METTL16: variants seen among roughly 807,000 people sequenced by gnomAD.
METTL16 encodes RNA N(6)-adenosine-methyltransferase METTL16.
A neutral mutation model predicts 57.9 loss-of-function variants in METTL16; 19 were observed. That is an observed-to-expected ratio of 0.33 (90% CI 0.23 to 0.48). The LOEUF is 0.48. Among genes scored for constraint, METTL16 ranks in the 20% least tolerant of loss-of-function variants. The pLI is 0.99. For synonymous variants in METTL16, 246 were observed against 255.6 expected, an observed-to-expected ratio of 0.96 and a Z score of 0.36; for missense variants, 434 against 691.5, an observed-to-expected ratio of 0.63 and a Z score of 4.18.
At chr17:2,448,606 C>CGGAA (rs2067035503) in intron 6 of METTL16, among the ~76,000 whole-genome samples, 1 of 86,994 alleles carries the variant, frequency 1.1e-5, no homozygotes, top group Admixed American at 1.4e-4. Flanking sequence ...ACAAACACTG[C>CGGAA]GGAAGGCCGC....
chr17:2,430,106 C>T (rs1312750228), intron 8 of METTL16, among the ~76,000 whole-genome samples: 1 of 151,234 alleles, frequency 6.6e-6, no homozygotes, highest in Non-Finnish European at 1.5e-5. Context: ...GAGCCACCTG[C>T]CCACTTCCCA....
intron 6 of METTL16, among the ~76,000 whole-genome samples, chr17:2,450,858 G>A (rs1186829882): frequency 6.6e-6 from 1 of 151,942 alleles, no homozygotes; most frequent in East Asian, 1.9e-4. Flanking sequence ...GAATTTTCAA[G>A]AATTTAATTT....
intron 2 of METTL16, among the ~76,000 whole-genome samples, chr17:2,489,610 G>A (rs1282837422): frequency 6.7e-6 from 1 of 150,130 alleles, no homozygotes; most frequent in Non-Finnish European, 1.5e-5. Flanking sequence ...GTGGTGGCAC[G>A]TGCCTGTAAC....
At chr17:2,491,774 C>T (rs1597468351) in intron 2 of METTL16, among the ~76,000 whole-genome samples, 1 of 146,830 alleles carries the variant, frequency 6.8e-6, no homozygotes. Flanking sequence ...ACTCCGGAGG[C>T]TGAGGCAGGA....
chr17:2,506,818 C>T (rs942742238), intron 1 of METTL16, among the ~76,000 whole-genome samples: 5 of 151,658 alleles, frequency 3.3e-5, no homozygotes, highest in Admixed American at 2.0e-4. Context: ...TCTGCCCGGC[C>T]GCCATCCCAT....
chr17:2,428,392 G>A (rs180963713), intron 8 of METTL16, among the ~76,000 whole-genome samples: 33 of 151,302 alleles, frequency 2.2e-4, no homozygotes, highest in Middle Eastern at 3.4e-3. Context: ...GGCCAAAGGC[G>A]GTTAACTGTG....
intron 7 of METTL16, among the ~76,000 whole-genome samples, chr17:2,438,731 C>T (rs959644620): frequency 7.9e-5 from 12 of 152,146 alleles, no homozygotes; most frequent in Admixed American, 5.2e-4. Flanking sequence ...TGACCTCAGG[C>T]GATCCGCCCA....
intron 2 of METTL16, 113 bp from the exon 3 acceptor site, chr17:2,477,998 C>T: frequency 1.3e-6 from 1 of 748,970 alleles, no homozygotes. Flanking sequence ...AGGGAGATCA[C>T]ACACAGTTAC....
intron 6 of METTL16, among the ~76,000 whole-genome samples, chr17:2,450,858 GAATTT>G (rs1445795308): frequency 1.3e-5 from 2 of 151,942 alleles, no homozygotes; most frequent in South Asian, 2.1e-4. Context: ...GAATTTTCAA[GAATTT>G]AATTTCAAGA....
chr17:2,480,922 G>A (rs538263342), intron 2 of METTL16, among the ~76,000 whole-genome samples: 1 of 152,264 alleles, frequency 6.6e-6, no homozygotes, highest in African/African-American at 2.4e-5. Flanking sequence ...AGGATATTGG[G>A]CTGGGCACGG....
chr17:2,441,171 G>C (rs1209116546), intron 7 of METTL16, among the ~76,000 whole-genome samples: 1 of 152,054 alleles, frequency 6.6e-6, no homozygotes, highest in Non-Finnish European at 1.5e-5. Context: ...AGAACTGGAG[G>C]CCATTATCTT....
At chr17:2,447,304 C>T (rs1179768582) in intron 6 of METTL16, among the ~76,000 whole-genome samples, 6 of 144,460 alleles carry the variant, frequency 4.2e-5, no homozygotes, top group Non-Finnish European at 7.4e-5. Context: ...CGTCTCTGCC[C>T]GGCCGCCCCG....
intron 6 of METTL16, among the ~76,000 whole-genome samples, chr17:2,449,652 CAG>C (rs1285375819): frequency 6.6e-6 from 1 of 152,140 alleles, no homozygotes; most frequent in Non-Finnish European, 1.5e-5. Context: ...CAGAATGGAA[CAG>C]AGTCCAGAAA....
chr17:2,446,780 G>A (rs1268190587), intron 6 of METTL16, among the ~76,000 whole-genome samples: 1 of 151,966 alleles, frequency 6.6e-6, no homozygotes, highest in African/African-American at 2.4e-5. Context: ...ACGGGGTTTT[G>A]CTGTGTTGGC....
intron 1 of METTL16, among the ~76,000 whole-genome samples, chr17:2,507,489 T>C (rs2067552320): frequency 7.3e-6 from 1 of 136,062 alleles, no homozygotes; most frequent in Non-Finnish European, 1.6e-5. Flanking sequence ...AGCCGCCCTG[T>C]CCGGGAGGGA....
chr17:2,447,557 G>A (rs1262385177), intron 6 of METTL16, among the ~76,000 whole-genome samples: 2 of 111,642 alleles, frequency 1.8e-5, no homozygotes, highest in African/African-American at 5.0e-5. Flanking sequence ...CTGGCCAGTC[G>A]CCCCGTCCAG....
intron 8 of METTL16, among the ~76,000 whole-genome samples, chr17:2,428,612 TACAGCGGG>T (rs2066844094): frequency 1.2e-5 from 1 of 85,178 alleles, no homozygotes; most frequent in Non-Finnish European, 2.1e-5. Context: ...TAAATTGTAA[TACAGCGGG>T]GCACAGTGGC....
Position 2,511,869 on chromosome 17 carries a change from C to T in METTL16, c.-111G>A, listed in dbSNP as rs1161014296. On this transcript the variant is annotated 5_prime_UTR_variant, in exon 1 of 10. An upstream open reading frame in the 5' UTR gains an earlier in-frame stop. Transcript: ENST00000263092. ...TCCTAGAAACGCAGATGATACGCTC[C>T]CAGCGCGCCGCCATCTTGTGAAGCC... 2.5e-6 allele frequency: 1 copy of T among 398,518 alleles called. No homozygotes were observed. The highest frequency in any genetic ancestry group is 3.6e-5 in the East Asian group (1 of 28,068). The allele number at this position is 398,518 out of a possible 1,614,324, so 24.7% of individuals were successfully genotyped here. A position where few individuals can be genotyped will look rare whatever the true frequency, so the allele number is the denominator to read the frequency against.
chr17:2,442,832 GTTC>G (rs1236441626), intron 6 of METTL16, among the ~76,000 whole-genome samples: 8 of 145,302 alleles, frequency 5.5e-5, no homozygotes, highest in Non-Finnish European at 1.0e-4. Context: ...AACTTCAATA[GTTC>G]TTTTTTTTTT....
Sources: allele counts gnomAD v4.1 joint callset (sites outside exome capture counted in the v4.1 genomes callset), GRCh38; gene constraint gnomAD v4.1.1; transcripts MANE v1.5; gene names NCBI Gene and HGNC (gene_info 2026-07-23, HGNC 2026-07-21).